TMEM131L: variants seen among roughly 807,000 people sequenced by gnomAD.
TMEM131L encodes transmembrane 131 like.
Under a neutral mutation model 192.2 loss-of-function variants are expected in TMEM131L, and 54 were observed. That is an observed-to-expected ratio of 0.28 (90% CI 0.23 to 0.35). The LOEUF (loss-of-function observed/expected upper bound fraction) is 0.35. Among genes scored for constraint, TMEM131L ranks in the 10% least tolerant of loss-of-function variants. TMEM131L has a pLI of 1.00. For synonymous variants in TMEM131L, 701 were observed against 704.9 expected (o/e 0.99, Z 0.09); for missense variants, 1,888 against 1,972.9 (o/e 0.96, Z 0.82).
chr4:153,585,272 C>T (rs749508950), intron 12 of TMEM131L, among the ~76,000 whole-genome samples, 186 bp from the exon 13 acceptor site: 14 of 152,322 alleles, frequency 9.2e-5, no homozygotes, highest in South Asian at 2.1e-4. Flanking sequence ...TGCTTCCCCT[C>T]GGGCTTCCAG....
At chr4:153,611,111 A>C (rs1732579593) in intron 25 of TMEM131L, among the ~76,000 whole-genome samples, 1 of 152,244 alleles carries the variant, frequency 6.6e-6, no homozygotes, top group African/African-American at 2.4e-5. Context: ...TCCTCCCAGC[A>C]CCCACTTTTG....
At chr4:153,574,461 G>A (rs1028378170) in intron 7 of TMEM131L, among the ~76,000 whole-genome samples, 3 of 152,180 alleles carry the variant, frequency 2.0e-5, no homozygotes, top group Non-Finnish European at 1.5e-5. Context: ...TGAGTGTTAT[G>A]TGGAAGGCAC....
At chr4:153,516,823 A>G (rs933728802) in intron 3 of TMEM131L, among the ~76,000 whole-genome samples, 1 of 151,840 alleles carries the variant, frequency 6.6e-6, no homozygotes, top group Non-Finnish European at 1.5e-5. Flanking sequence ...AATTTTATTT[A>G]TTTATTATTA....
chr4:153,562,919 T>TA (rs547579026), intron 7 of TMEM131L, among the ~76,000 whole-genome samples: 60 of 152,354 alleles, frequency 3.9e-4, no homozygotes, highest in African/African-American at 1.4e-3. Flanking sequence ...AGTAGTAATT[T>TA]AAAAGTATTT....
intron 3 of TMEM131L, among the ~76,000 whole-genome samples, chr4:153,515,341 A>G (rs1734657222): frequency 6.6e-6 from 1 of 152,218 alleles, no homozygotes; most frequent in Non-Finnish European, 1.5e-5. Flanking sequence ...AAATAGAATC[A>G]TGTAGCATGT....
At chr4:153,476,952 C>T (rs540818869) in intron 3 of TMEM131L, among the ~76,000 whole-genome samples, 7 of 152,258 alleles carry the variant, frequency 4.6e-5, no homozygotes, top group South Asian at 2.1e-4. Flanking sequence ...AGCTGGTAAA[C>T]GCCCACAATT....
chr4:153,491,758 G>T (rs1345374294), intron 3 of TMEM131L, among the ~76,000 whole-genome samples: 1 of 152,046 alleles, frequency 6.6e-6, no homozygotes, highest in African/African-American at 2.4e-5. Flanking sequence ...CCAGGCTGGA[G>T]TTCGGTAGCC....
chr4:153,484,152 G>A (rs76540450), intron 3 of TMEM131L, among the ~76,000 whole-genome samples: 5,798 of 152,254 alleles, frequency 0.038, 179 homozygotes, highest in Non-Finnish European at 0.06. Context: ...TGTCACCAGA[G>A]TATTAGTTTG....
chr4:153,515,262 T>G (rs1734653366), intron 3 of TMEM131L, among the ~76,000 whole-genome samples: 1 of 152,188 alleles, frequency 6.6e-6, no homozygotes, highest in South Asian at 2.1e-4. Flanking sequence ...TGGCCACCAC[T>G]CCATTCCCCT....
intron 26 of TMEM131L, among the ~76,000 whole-genome samples, chr4:153,619,853 C>G (rs1733264223): frequency 6.6e-6 from 1 of 152,170 alleles, no homozygotes; most frequent in Non-Finnish European, 1.5e-5. Flanking sequence ...AGGAAGGGGA[C>G]TCTTCTGGAT....
At chr4:153,616,240 T>C (rs1003451827) in intron 26 of TMEM131L, among the ~76,000 whole-genome samples, 1 of 152,220 alleles carries the variant, frequency 6.6e-6, no homozygotes, top group Non-Finnish European at 1.5e-5. Flanking sequence ...GTGGATTCTC[T>C]GGTGCAGATT....
intron 19 of TMEM131L, among the ~76,000 whole-genome samples, chr4:153,595,878 G>A (rs2150887510): frequency 6.6e-6 from 1 of 152,298 alleles, no homozygotes; most frequent in South Asian, 2.1e-4. Flanking sequence ...GTTGTCCAGT[G>A]GTGGGTGAGT....
At chr4:153,587,676 A>G in intron 14 of TMEM131L, 66 bp from the exon 15 acceptor site, 1 of 1,145,100 alleles carries the variant, frequency 8.7e-7, no homozygotes, top group East Asian at 2.3e-5. Context: ...TTTGAATTTT[A>G]GTGCATTAGA....
chr4:153,585,186 A>C (rs1008857001), intron 12 of TMEM131L, among the ~76,000 whole-genome samples: 1 of 152,190 alleles, frequency 6.6e-6, no homozygotes, highest in Non-Finnish European at 1.5e-5. Flanking sequence ...ACATATTCAC[A>C]TGGTGTTTCT....
At chr4:153,546,214 C>CTT (rs539302643) in intron 3 of TMEM131L, among the ~76,000 whole-genome samples, 1,390 of 138,004 alleles carry the variant, frequency 0.01, 13 homozygotes, top group Admixed American at 0.024. Flanking sequence ...TAACTAGGAG[C>CTT]TTTTTTTTTT....
At chr4:153,583,368 A>G (rs1448529160) in intron 10 of TMEM131L, 120 bp downstream of exon 10, 2 of 722,160 alleles carry the variant, frequency 2.8e-6, no homozygotes, top group East Asian at 2.4e-5. Context: ...TTTTGCTTTA[A>G]TTTAAGCCCA....
chr4:153,632,756 G>A lies in TMEM131L; in HGVS notation c.4246G>A (p.Val1416Met), dbSNP rs752222121. Residue 1416 changes from valine (V) to methionine (M), a missense_variant, in exon 32 of 35, where the codon GTG becomes ATG. Coordinates refer to ENST00000409959, the MANE Select transcript of TMEM131L (RefSeq NM_001131007.2). ...TGGAGACCTGTGGCCCACTCCGCCAGTGTGTGTGACAAGCAGCTTAAACTG... is the reference window on the plus strand; with the variant it reads ...TGGAGACCTGTGGCCCACTCCGCCAATGTGTGTGACAAGCAGCTTAAACTG... Reference protein sequence around the residue: ...SPGDLWPTPPVCVTSSLNCTL... With the variant: ...SPGDLWPTPPMCVTSSLNCTL... 1 of 1,614,112 alleles carries A rather than the reference G, an allele frequency of 6.2e-7. No homozygotes were observed. Among genetic ancestry groups the A allele is most frequent in the Non-Finnish European group, 8.5e-7 (1 of 1,179,988 alleles).
chr4:153,634,404 A>C, intron 33 of TMEM131L, 124 bp downstream of exon 33: 1 of 753,556 alleles, frequency 1.3e-6, no homozygotes, highest in South Asian at 1.6e-5. Flanking sequence ...CTTGCAGTAG[A>C]CTGCCGAATG....
chr4:153,533,026 C>G (rs1228854057), intron 3 of TMEM131L, among the ~76,000 whole-genome samples: 1 of 146,902 alleles, frequency 6.8e-6, no homozygotes, highest in African/African-American at 2.6e-5. Context: ...GTTCTTGTTG[C>G]CCAGGCTGGA....
Sources: allele counts gnomAD v4.1 joint callset (sites outside exome capture counted in the v4.1 genomes callset), GRCh38; gene constraint gnomAD v4.1.1; transcripts MANE v1.5; gene names NCBI Gene and HGNC (gene_info 2026-07-23, HGNC 2026-07-21).